The following PRIM2 variants were observed in gnomAD, a reference collection of about 807,000 sequenced individuals.
PRIM2 encodes DNA primase large subunit.
In PRIM2, 39 loss-of-function variants were observed where a neutral mutation model predicts 67.3. That is an observed-to-expected ratio of 0.58 (90% CI 0.45 to 0.76). PRIM2 has a LOEUF of 0.76. Ranked by LOEUF, PRIM2 falls within the 30% of genes least tolerant of loss-of-function variation. PRIM2 has a pLI of 0.00. For missense variants in PRIM2, 398 were observed against 598.7 expected (o/e 0.66, Z 3.50); for synonymous variants, 143 against 198.7 (o/e 0.72, Z 2.36).
At chr6:57,463,149 C>T (rs1482092108) in intron 7 of PRIM2, among the ~76,000 whole-genome samples, 3 of 152,280 alleles carry the variant, frequency 2.0e-5, no homozygotes, top group African/African-American at 7.2e-5. Context: ...GAACTGAGTT[C>T]TAGTTCTGGT....
chr6:57,336,109 G>A (rs531591323), intron 5 of PRIM2, among the ~76,000 whole-genome samples: 74 of 152,300 alleles, frequency 4.9e-4, no homozygotes, highest in African/African-American at 1.8e-3. Flanking sequence ...AAAGATATCA[G>A]CAATGGAAGA....
chr6:57,321,535 A>G (rs1767656620), intron 3 of PRIM2, among the ~76,000 whole-genome samples: 1 of 152,160 alleles, frequency 6.6e-6, no homozygotes, highest in Admixed American at 6.5e-5. Context: ...TATTGAAGGT[A>G]AAGTGGAATT....
the PRIM2 span, among the ~76,000 whole-genome samples, chr6:57,277,187 A>T: frequency 6.6e-6 from 1 of 152,168 alleles, no homozygotes; most frequent in Non-Finnish European, 1.5e-5. Flanking sequence ...AAATCAGATG[A>T]CATGGGATGG....
the PRIM2 span, among the ~76,000 whole-genome samples, chr6:57,237,361 G>A: frequency 2.2e-4 from 34 of 152,156 alleles, no homozygotes; most frequent in South Asian, 1.0e-3. Context: ...CCCATTCTGT[G>A]GGTTGCCTGT....
intron 8 of PRIM2, among the ~76,000 whole-genome samples, chr6:57,525,810 A>C (rs1260875564): frequency 2.0e-5 from 3 of 152,182 alleles, no homozygotes; most frequent in Admixed American, 6.5e-5. Context: ...CACTCATCAC[A>C]TTATCCTCCC....
At chr6:57,395,542 T>G (rs891756682) in intron 7 of PRIM2, among the ~76,000 whole-genome samples, 29 of 152,182 alleles carry the variant, frequency 1.9e-4, no homozygotes, top group Non-Finnish European at 3.8e-4. Context: ...GTTATTTGGA[T>G]TTTCTCCCTT....
At chr6:57,622,037 G>A (rs1776866958) in intron 12 of PRIM2, among the ~76,000 whole-genome samples, 1 of 151,860 alleles carries the variant, frequency 6.6e-6, no homozygotes, top group Non-Finnish European at 1.5e-5. Flanking sequence ...TGCAACCTCT[G>A]CCTCCTGGGT....
intron 7 of PRIM2, among the ~76,000 whole-genome samples, chr6:57,394,981 G>A (rs1770473607): frequency 6.6e-6 from 1 of 152,156 alleles, no homozygotes; most frequent in Non-Finnish European, 1.5e-5. Context: ...ACTTGCATAT[G>A]TTAAACCATC....
intron 10 of PRIM2, among the ~76,000 whole-genome samples, chr6:57,543,635 T>C (rs1299420867): frequency 6.6e-6 from 1 of 152,212 alleles, no homozygotes; most frequent in Non-Finnish European, 1.5e-5. Context: ...ATATACTGCC[T>C]GGAACAAAAT....
chr6:57,339,881 C>T (rs1040046057), intron 5 of PRIM2, among the ~76,000 whole-genome samples: 16 of 151,238 alleles, frequency 1.1e-4, no homozygotes, highest in African/African-American at 3.9e-4. Flanking sequence ...TAAAGAGCTT[C>T]TGCACAGCAA....
At chr6:57,406,339 A>G (rs1385629960) in intron 7 of PRIM2, among the ~76,000 whole-genome samples, 8 of 152,038 alleles carry the variant, frequency 5.3e-5, no homozygotes, top group Non-Finnish European at 8.8e-5. Flanking sequence ...TGTACCTTCA[A>G]TTTTCACTGC....
chr6:57,394,677 G>A (rs9464464), intron 7 of PRIM2, among the ~76,000 whole-genome samples: 6,106 of 152,084 alleles, frequency 0.04, 400 homozygotes, highest in African/African-American at 0.14. Context: ...TGATTGCTCC[G>A]GCTAGGACTT....
At chr6:57,350,109 G>C (rs1768812642) in intron 5 of PRIM2, among the ~76,000 whole-genome samples, 1 of 152,200 alleles carries the variant, frequency 6.6e-6, no homozygotes, top group Admixed American at 6.5e-5. Flanking sequence ...TAACCTCTCA[G>C]ATAGGAAGGA....
At chr6:57,529,620 A>C (rs1290440769) in intron 8 of PRIM2, among the ~76,000 whole-genome samples, 1 of 152,238 alleles carries the variant, frequency 6.6e-6, no homozygotes. Context: ...CAAGGGAAAG[A>C]TAATTCAAGG....
intron 7 of PRIM2, among the ~76,000 whole-genome samples, chr6:57,441,266 T>A (rs1772195555): frequency 6.6e-6 from 1 of 152,234 alleles, no homozygotes; most frequent in African/African-American, 2.4e-5. Flanking sequence ...CTATGACTTG[T>A]TCATTCTGCC....
chr6:57,411,125 A>G (rs1239234441), intron 7 of PRIM2, among the ~76,000 whole-genome samples: 1 of 151,756 alleles, frequency 6.6e-6, no homozygotes, highest in African/African-American at 2.4e-5. Context: ...TGTGGCACCT[A>G]TCCCCCCAAC....
At chr6:57,227,149 G>T in the PRIM2 span, among the ~76,000 whole-genome samples, 4 of 151,914 alleles carry the variant, frequency 2.6e-5, no homozygotes, top group African/African-American at 9.7e-5. Flanking sequence ...TATACTGAGA[G>T]ACCTCCTCTC....
chr6:57,470,401 C>T (rs1367676356), intron 7 of PRIM2, among the ~76,000 whole-genome samples: 7 of 92,162 alleles, frequency 7.6e-5, no homozygotes, highest in Non-Finnish European at 1.5e-4. Flanking sequence ...GCCTCTCCCC[C>T]TCTCCCCTCT....
chr6:57,273,716 T>C, the PRIM2 span, among the ~76,000 whole-genome samples: 21 of 152,120 alleles, frequency 1.4e-4, no homozygotes, highest in African/African-American at 3.6e-4. Context: ...GTTTTTAGAG[T>C]TTCCAGTTTT....
Sources: gnomAD v4.1 joint callset for allele counts (sites outside exome capture counted in the v4.1 genomes callset) on GRCh38, gnomAD v4.1.1 for gene constraint, MANE v1.5 for transcripts, NCBI Gene and HGNC (gene_info 2026-07-23, HGNC 2026-07-21) for gene names.